Variants in SGCD observed in about 807,000 individuals in gnomAD.
SGCD encodes delta-sarcoglycan.
Under a neutral mutation model 36.6 loss-of-function variants are expected in SGCD, and 18 were observed. The observed-to-expected ratio is 0.49, with a 90% confidence interval of 0.34 to 0.73. SGCD has a LOEUF of 0.73. Among genes scored for constraint, SGCD ranks in the 30% least tolerant of loss-of-function variants. The pLI, the probability that SGCD is intolerant of heterozygous loss-of-function variation, is 0.01. For missense variants in SGCD, 387 were observed against 346.7 expected (o/e 1.12, Z -0.92); for synonymous variants, 133 against 130.6 (o/e 1.02, Z -0.12).
chr5:156,087,493 A>C (rs1386734393), intron 1 of SGCD, among the ~76,000 whole-genome samples: 1 of 152,032 alleles, frequency 6.6e-6, no homozygotes, highest in Admixed American at 6.6e-5. Context: ...ACAAAAAATT[A>C]GCTGGGCATG....
At chr5:156,458,698 G>C (rs1043943820) in intron 3 of SGCD, among the ~76,000 whole-genome samples, 4 of 152,004 alleles carry the variant, frequency 2.6e-5, no homozygotes, top group Admixed American at 2.6e-4. Context: ...AAGTTACCTT[G>C]TTAAGAGCTC....
chr5:156,338,000 G>A (rs1768446601), intron 2 of SGCD, among the ~76,000 whole-genome samples: 1 of 152,218 alleles, frequency 6.6e-6, no homozygotes, highest in East Asian at 1.9e-4. Context: ...GAAGCCTAGT[G>A]GGGAGCAGAG....
chr5:156,645,503 G>A (rs1763192633), intron 6 of SGCD, among the ~76,000 whole-genome samples: 1 of 152,138 alleles, frequency 6.6e-6, no homozygotes, highest in Admixed American at 6.6e-5. Context: ...GATTTAGCAA[G>A]CATTACTTGA....
the SGCD span, among the ~76,000 whole-genome samples, chr5:155,743,149 A>G: frequency 6.6e-6 from 1 of 152,116 alleles, no homozygotes; most frequent in Non-Finnish European, 1.5e-5. Flanking sequence ...TTGTTCATTG[A>G]TGATCAACTC....
chr5:156,042,187 A>T (rs975384901), intron 1 of SGCD, among the ~76,000 whole-genome samples: 29 of 147,132 alleles, frequency 2.0e-4, no homozygotes, highest in Non-Finnish European at 3.6e-4. Flanking sequence ...TAAAATAGGT[A>T]TTTTTTTTTT....
intron 6 of SGCD, among the ~76,000 whole-genome samples, chr5:156,603,588 T>G (rs1222548765): frequency 5.3e-5 from 8 of 152,202 alleles, no homozygotes; most frequent in Admixed American, 3.9e-4. Context: ...GCTTTTGCAA[T>G]GTCTCAGGCT....
intron 7 of SGCD, among the ~76,000 whole-genome samples, chr5:156,705,519 T>C (rs1261696054): frequency 5.9e-5 from 9 of 152,182 alleles, no homozygotes; most frequent in Non-Finnish European, 1.3e-4. Flanking sequence ...CTTGTTATTA[T>C]GACATAACAA....
At chr5:155,845,594 ACT>A in the SGCD span, 2 of 152,094 alleles carry the variant, frequency 1.3e-5, no homozygotes, top group Admixed American at 1.3e-4. Context: ...TTTTAATACA[ACT>A]CTCTTTCTCC....
At chr5:155,789,556 A>T in the SGCD span, among the ~76,000 whole-genome samples, 9 of 152,130 alleles carry the variant, frequency 5.9e-5, no homozygotes, top group African/African-American at 2.2e-4. Flanking sequence ...CATGAAAATA[A>T]TTTGTAATTA....
At chr5:156,042,640 G>A (rs1226178216) in intron 1 of SGCD, among the ~76,000 whole-genome samples, 5 of 152,132 alleles carry the variant, frequency 3.3e-5, no homozygotes, top group Non-Finnish European at 7.4e-5. Flanking sequence ...TGCAATCATA[G>A]GGTTGTGGAA....
intron 3 of SGCD, among the ~76,000 whole-genome samples, chr5:156,220,902 T>C (rs1328475817): frequency 6.6e-6 from 1 of 152,078 alleles, no homozygotes; most frequent in Non-Finnish European, 1.5e-5. Context: ...CTCCCAATAT[T>C]GAAAATGGGC....
chr5:156,050,292 G>A (rs1161217359), intron 1 of SGCD, among the ~76,000 whole-genome samples: 2 of 146,550 alleles, frequency 1.4e-5, no homozygotes, highest in African/African-American at 4.9e-5. Context: ...CATCAACACT[G>A]AGGCAAGACT....
chr5:156,355,346 A>C (rs1410397687), intron 3 of SGCD, among the ~76,000 whole-genome samples: 2 of 151,562 alleles, frequency 1.3e-5, no homozygotes, highest in African/African-American at 4.9e-5. Context: ...AGGAGAAGAA[A>C]ATTTCTCATA....
intron 7 of SGCD, among the ~76,000 whole-genome samples, chr5:156,711,207 C>G (rs1162283618): frequency 6.6e-6 from 1 of 151,970 alleles, no homozygotes; most frequent in African/African-American, 2.4e-5. Flanking sequence ...GAGGGGGGGT[C>G]CATTCAGTTC....
intron 1 of SGCD, among the ~76,000 whole-genome samples, chr5:155,871,776 G>T (rs2113276330): frequency 6.6e-6 from 1 of 152,330 alleles, no homozygotes; most frequent in Non-Finnish European, 1.5e-5. Flanking sequence ...AATGGCTGGT[G>T]ACAGGAGGTT....
At chr5:156,310,147 C>T (rs1767353538) in intron 3 of SGCD, among the ~76,000 whole-genome samples, 1 of 152,172 alleles carries the variant, frequency 6.6e-6, no homozygotes, top group Non-Finnish European at 1.5e-5. Context: ...TAATGACTTT[C>T]TATATCCTCC....
chr5:156,712,048 C>T (rs1240337359), intron 7 of SGCD, among the ~76,000 whole-genome samples: 1 of 152,156 alleles, frequency 6.6e-6, no homozygotes, highest in East Asian at 1.9e-4. Flanking sequence ...TGATGCCAAC[C>T]AGAGGTCACT....
chr5:156,519,146 G>A (rs530445872), intron 4 of SGCD, among the ~76,000 whole-genome samples: 1 of 151,830 alleles, frequency 6.6e-6, no homozygotes, highest in Non-Finnish European at 1.5e-5. Context: ...AATGATAAAG[G>A]GGATATTATC....
At chr5:156,093,359 AC>A (rs1365175632) in intron 1 of SGCD, among the ~76,000 whole-genome samples, 4 of 151,954 alleles carry the variant, frequency 2.6e-5, no homozygotes, top group African/African-American at 7.3e-5. Flanking sequence ...CCAGTGCAGC[AC>A]CCTGTTTTTT....
Sources: gnomAD v4.1 joint callset for allele counts (sites outside exome capture counted in the v4.1 genomes callset) on GRCh38, gnomAD v4.1.1 for gene constraint, MANE v1.5 for transcripts, NCBI Gene and HGNC (gene_info 2026-07-23, HGNC 2026-07-21) for gene names.